Variants in ERG observed in about 807,000 individuals in gnomAD.
ERG encodes the protein transcriptional regulator ERG.
In ERG, 9 loss-of-function variants were observed where a neutral mutation model predicts 55.3. The ratio of observed to expected loss-of-function variants is 0.16; its 90% CI spans 0.10 to 0.28. The LOEUF is 0.28. Ranked by LOEUF, ERG falls within the 10% of genes least tolerant of loss-of-function variation. The probability of loss-of-function intolerance (pLI) is 1.00; values close to 1 mark genes in which losing one functional copy is unlikely to be tolerated. For missense variants in ERG, 434 were observed against 631.6 expected, an observed-to-expected ratio of 0.69 and a Z score of 3.35; for synonymous variants, 223 against 237.3, an observed-to-expected ratio of 0.94 and a Z score of 0.55.
At chr21:38,417,960 A>ACTC (rs1989356069) in intron 3 of ERG, among the ~76,000 whole-genome samples, 1 of 152,192 alleles carries the variant, frequency 6.6e-6, no homozygotes, top group African/African-American at 2.4e-5. Flanking sequence ...CTTGGTTAGC[A>ACTC]CATCTCCATG....
At chr21:38,555,975 T>G (rs1322152826) in intron 2 of ERG, among the ~76,000 whole-genome samples, 1 of 152,192 alleles carries the variant, frequency 6.6e-6, no homozygotes, top group African/African-American at 2.4e-5. Flanking sequence ...GAAGTTATCA[T>G]AGATTTAATC....
In ERG at chr21:38,653,744, G is replaced by A. The variant is rs542885175; in HGVS notation, c.-150+7914C>T. 5.3e-5 allele frequency among the ~76,000 whole-genome samples: 8 copies of A among 152,302 alleles called. No individual in the cohort carries two copies. The East Asian group carries it at 1.2e-3, about 22-fold the overall frequency. On this transcript the variant is annotated intron_variant, in intron 1 of 10. Transcript: ENST00000398910. ...GCAGTTGTTCGTCTAATCTCTAGACGTGTCCCGTGTCTTAACAGTCCCTGT... is the reference window on the plus strand; with the variant it reads ...GCAGTTGTTCGTCTAATCTCTAGACATGTCCCGTGTCTTAACAGTCCCTGT...
intron 1 of ERG, among the ~76,000 whole-genome samples, chr21:38,493,415 G>T (rs2836440): frequency 1.2e-4 from 18 of 152,034 alleles, no homozygotes; most frequent in African/African-American, 4.1e-4. Flanking sequence ...AGATACACAC[G>T]GTGGAGAGAC....
chr21:38,556,701 A>G (rs981674041), intron 2 of ERG, among the ~76,000 whole-genome samples: 3 of 152,146 alleles, frequency 2.0e-5, no homozygotes, highest in Admixed American at 6.5e-5. Flanking sequence ...CTGGCTGAAA[A>G]GAAAGGCTTC....
intron 1 of ERG, among the ~76,000 whole-genome samples, chr21:38,488,913 A>G (rs2059311665): frequency 6.6e-6 from 1 of 152,238 alleles, no homozygotes; most frequent in Non-Finnish European, 1.5e-5. Context: ...TACTGTAATC[A>G]TTACTTTAGA....
intron 2 of ERG, among the ~76,000 whole-genome samples, chr21:38,550,250 G>A (rs1191323398): frequency 6.6e-6 from 1 of 152,176 alleles, no homozygotes; most frequent in Non-Finnish European, 1.5e-5. Context: ...CTCACACCCA[G>A]AAGGAGTCAA....
intron 1 of ERG, among the ~76,000 whole-genome samples, chr21:38,484,372 A>C (rs2059264907): frequency 6.6e-6 from 1 of 152,200 alleles, no homozygotes; most frequent in Admixed American, 6.5e-5. Flanking sequence ...GGTTCAAAAT[A>C]GCTTGACTTT....
chr21:38,474,563 C>T (rs917050255), intron 1 of ERG, among the ~76,000 whole-genome samples: 2 of 152,156 alleles, frequency 1.3e-5, no homozygotes, highest in African/African-American at 2.4e-5. Flanking sequence ...AAAACATGTG[C>T]TTTGAGGGTG....
chr21:38,410,713 C>T (rs1278468606), intron 3 of ERG, among the ~76,000 whole-genome samples: 5 of 152,172 alleles, frequency 3.3e-5, no homozygotes, highest in African/African-American at 1.2e-4. Flanking sequence ...GGCACTGCAT[C>T]GCCAAAGACA....
At chr21:38,447,189 GC>G (rs1226551162) in intron 1 of ERG, among the ~76,000 whole-genome samples, 2 of 151,780 alleles carry the variant, frequency 1.3e-5, no homozygotes, top group Non-Finnish European at 2.9e-5. Context: ...AAACTTCTTT[GC>G]CAGACACACG....
intron 2 of ERG, among the ~76,000 whole-genome samples, chr21:38,423,912 G>A (rs534028942): frequency 6.6e-6 from 1 of 152,234 alleles, no homozygotes; most frequent in South Asian, 2.1e-4. Context: ...GGAGGTGGAG[G>A]TTGCAGTGAG....
intron 5 of ERG, among the ~76,000 whole-genome samples, chr21:38,401,703 C>T (rs1339009674): frequency 6.6e-6 from 1 of 152,086 alleles, no homozygotes; most frequent in East Asian, 1.9e-4. Flanking sequence ...GTGGAGGGTC[C>T]CTGCAGCTAA....
chr21:38,546,910 A>G (rs1043397485), intron 2 of ERG, among the ~76,000 whole-genome samples: 4 of 152,084 alleles, frequency 2.6e-5, no homozygotes, highest in Non-Finnish European at 5.9e-5. Context: ...AATTAATCCA[A>G]CTATCCCTGG....
chr21:38,538,949 T>C (rs1422494134), intron 2 of ERG, among the ~76,000 whole-genome samples: 1 of 152,084 alleles, frequency 6.6e-6, no homozygotes, highest in Non-Finnish European at 1.5e-5. Context: ...CCAAGACAAC[T>C]AGGAAACCAG....
At chr21:38,544,604 A>C (rs2059776254) in intron 2 of ERG, among the ~76,000 whole-genome samples, 1 of 152,118 alleles carries the variant, frequency 6.6e-6, no homozygotes, top group Non-Finnish European at 1.5e-5. Flanking sequence ...GCGACTTTAC[A>C]TTTCCTTTCC....
chr21:38,515,083 C>T lies in ERG; in HGVS notation c.-41+60579G>A, dbSNP rs551453644. Among the ~76,000 whole-genome samples the T allele has an allele frequency of 1.1e-4, 17 of 151,740 alleles. No individual in the cohort carries two copies. The East Asian group carries it at 3.1e-3, about 28-fold the overall frequency. ...ACTACAAAATATTATTAAAAGAAGA[C>T]CAAAATAAATGGATAGATATATTCA... On this transcript the variant is annotated intron_variant, in intron 2 of 8. Coordinates refer to the ERG transcript ENST00000398897.
At chr21:38,591,776 T>C (rs1467662818) in intron 1 of ERG, among the ~76,000 whole-genome samples, 2 of 152,164 alleles carry the variant, frequency 1.3e-5, no homozygotes, top group Non-Finnish European at 2.9e-5. Context: ...CACCCAACAT[T>C]TGCTGGGCAC....
chr21:38,391,733 CA>C lies in ERG; in HGVS notation c.815-19del. 6.2e-7 allele frequency: 1 copy of C among 1,611,004 alleles called. No individual in the cohort carries two copies. ...TTGAGCAGCTGAAAATCCAGAAATA[CA>C]AAAGGCAATTAGCTATAACAGATTT... On this transcript the variant is annotated intron_variant, in intron 7 of 9. Transcript: ENST00000288319.
chr21:38,622,936 C>CAA (rs1415326073), intron 1 of ERG, among the ~76,000 whole-genome samples: 3 of 9,358 alleles, frequency 3.2e-4, no homozygotes, highest in African/African-American at 1.4e-3. Flanking sequence ...CCACACCACA[C>CAA]ACACACACAC....
Sources: gnomAD v4.1 joint callset for allele counts (sites outside exome capture counted in the v4.1 genomes callset) on GRCh38, gnomAD v4.1.1 for gene constraint, MANE v1.5 for transcripts, NCBI Gene and HGNC (gene_info 2026-07-23, HGNC 2026-07-21) for gene names.